EBF2: variants seen among roughly 807,000 people sequenced by gnomAD.
EBF2 encodes transcription factor COE2.
EBF2 carries 21 observed loss-of-function variants against 72.8 expected under a neutral mutation model. That is an observed-to-expected ratio of 0.29 (90% CI 0.20 to 0.42). The LOEUF (loss-of-function observed/expected upper bound fraction) is 0.42. Ranked by LOEUF, EBF2 falls within the 10% of genes least tolerant of loss-of-function variation. The pLI is 1.00. For missense variants in EBF2, 637 were observed against 731.2 expected (o/e 0.87, Z 1.49); for synonymous variants, 299 against 274.2 (o/e 1.09, Z -0.89).
At chr8:25,964,141 G>A (rs1295944235) in intron 6 of EBF2, among the ~76,000 whole-genome samples, 20 of 151,902 alleles carry the variant, frequency 1.3e-4, no homozygotes, top group Admixed American at 1.3e-3. Flanking sequence ...CCAGTACAAG[G>A]GGAGGGAGAA....
rs902106242 is a variant in EBF2 at position 25,858,367 on chromosome 8, C to A, written c.1480G>T (p.Gly494Cys). Residue 494 changes from glycine to cysteine, a missense_variant, in exon 14 of 16, where the codon GGT becomes TGT. Coordinates refer to ENST00000520164, the MANE Select transcript of EBF2 (RefSeq NM_022659.4). ...NVPMANLGVP[G>C]SPGFLNGSPT... ...GAGCCATTTAGAAATCCTGGTGAAC[C>A]TGGAACACCCAAGTTGGCCATGGGG... 1.2e-6 allele frequency: 2 copies of A among 1,614,064 alleles called. No individual in the cohort carries two copies. The highest frequency in any genetic ancestry group is 1.3e-5 in the African/African-American group (1 of 74,928).
At chr8:25,901,421 C>CAAA (rs10712723) in intron 7 of EBF2, among the ~76,000 whole-genome samples, 2 of 111,120 alleles carry the variant, frequency 1.8e-5, no homozygotes, top group Non-Finnish European at 1.9e-5. Flanking sequence ...CATCTTGTCT[C>CAAA]AAAAAAAAAA....
chr8:25,958,312 C>A (rs938199824), intron 6 of EBF2, among the ~76,000 whole-genome samples: 4 of 152,220 alleles, frequency 2.6e-5, no homozygotes, highest in East Asian at 1.9e-4. Context: ...TCTGAACCAA[C>A]CTGTAATTTC....
intron 6 of EBF2, among the ~76,000 whole-genome samples, chr8:26,018,194 C>G (rs1030996617): frequency 1.3e-5 from 2 of 150,658 alleles, no homozygotes; most frequent in Non-Finnish European, 2.9e-5. Context: ...AAGTTACTGA[C>G]AAGCACGCTG....
chr8:26,037,322 C>T (rs1805520415), intron 5 of EBF2, among the ~76,000 whole-genome samples: 1 of 152,184 alleles, frequency 6.6e-6, no homozygotes, highest in Non-Finnish European at 1.5e-5. Flanking sequence ...GTCAGCCAAA[C>T]TCCAGCTCAC....
chr8:26,002,004 A>G (rs1804735314), intron 6 of EBF2, among the ~76,000 whole-genome samples: 1 of 152,244 alleles, frequency 6.6e-6, no homozygotes, highest in Non-Finnish European at 1.5e-5. Context: ...TAGGATTGTG[A>G]TGAAAACTAA....
intron 6 of EBF2, among the ~76,000 whole-genome samples, chr8:26,015,542 T>C (rs573088117): frequency 1.3e-5 from 2 of 152,324 alleles, no homozygotes; most frequent in East Asian, 3.9e-4. Flanking sequence ...TGGGATGGTA[T>C]GAGAGTAAGA....
intron 6 of EBF2, among the ~76,000 whole-genome samples, chr8:25,965,574 A>G (rs1357638910): frequency 6.6e-6 from 1 of 152,194 alleles, no homozygotes; most frequent in Non-Finnish European, 1.5e-5. Context: ...CTATCTGTCA[A>G]CTTTCAGCAG....
chr8:25,896,033 C>A (rs1469277115), intron 7 of EBF2, among the ~76,000 whole-genome samples: 2 of 152,054 alleles, frequency 1.3e-5, no homozygotes, highest in South Asian at 2.1e-4. Flanking sequence ...GCCAGTTGGG[C>A]CCTACTCCCA....
intron 7 of EBF2, among the ~76,000 whole-genome samples, chr8:25,901,460 G>A (rs1426329697): frequency 6.6e-6 from 1 of 151,066 alleles, no homozygotes; most frequent in Non-Finnish European, 1.5e-5. Flanking sequence ...TTTTGAGGTT[G>A]GACTGTGTCA....
chr8:25,881,615 G>T (rs13275227), intron 10 of EBF2, among the ~76,000 whole-genome samples: 1 of 152,042 alleles, frequency 6.6e-6, no homozygotes, highest in East Asian at 1.9e-4. Flanking sequence ...GGTAGAGGAA[G>T]GCCTGGTCCC....
In EBF2 at chr8:25,887,792, AC is replaced by A. The variant is rs761504190; in HGVS notation, c.882+49del. 5 of 1,485,198 alleles carry A rather than the reference AC, an allele frequency of 3.4e-6. No individual in the cohort carries two copies. The Middle Eastern group carries it at 7.3e-4, about 216-fold the overall frequency. The allele number at this position is 1,485,198 out of a possible 1,614,324, so 92.0% of individuals were successfully genotyped here. On this transcript the variant is annotated intron_variant, in intron 9 of 15. Transcript: ENST00000520164. ...GTTTGTGCTAGTTTCCCAGATCAAA[AC>A]AATCTTTGGGCAAAAGGAAATCAGA... is the stretch of plus-strand genomic sequence containing the variant.
chr8:25,999,535 C>T (rs563621601), intron 6 of EBF2, among the ~76,000 whole-genome samples: 3 of 152,106 alleles, frequency 2.0e-5, no homozygotes, highest in South Asian at 2.1e-4. Flanking sequence ...TTCTTCCCTC[C>T]GCAATCTTGG....
At chr8:25,973,757 C>G (rs1804226032) in intron 6 of EBF2, among the ~76,000 whole-genome samples, 1 of 152,128 alleles carries the variant, frequency 6.6e-6, no homozygotes, top group Admixed American at 6.5e-5. Flanking sequence ...CCCACTGCAG[C>G]CTCCACCTCC....
intron 6 of EBF2, among the ~76,000 whole-genome samples, chr8:25,970,459 C>T (rs74418757): frequency 0.015 from 2,248 of 152,076 alleles, 61 homozygotes; most frequent in African/African-American, 0.052. Context: ...ATTTTTTTTC[C>T]TCTTCTAATA....
At chr8:26,026,029 G>C (rs1194420363) in intron 6 of EBF2, among the ~76,000 whole-genome samples, 1 of 152,038 alleles carries the variant, frequency 6.6e-6, no homozygotes, top group Non-Finnish European at 1.5e-5. Flanking sequence ...AAATTTAAAA[G>C]ATAGCCCGGC....
chr8:25,880,951 G>A (rs932788258), intron 10 of EBF2, among the ~76,000 whole-genome samples: 6 of 151,706 alleles, frequency 4.0e-5, no homozygotes, highest in East Asian at 3.9e-4. Flanking sequence ...CATGAGTGTC[G>A]TCCCCTCCTT....
chr8:25,851,714 G>A (rs1801980887), intron 14 of EBF2, among the ~76,000 whole-genome samples: 1 of 152,192 alleles, frequency 6.6e-6, no homozygotes, highest in South Asian at 2.1e-4. Context: ...TGACAAAAGT[G>A]TTGTTGGAGC....
intron 6 of EBF2, among the ~76,000 whole-genome samples, chr8:25,929,848 A>G (rs532973504): frequency 2.6e-5 from 4 of 152,246 alleles, no homozygotes; most frequent in African/African-American, 9.6e-5. Context: ...ATGGGGTAGA[A>G]AGGGCTAAGG....
Sources: allele counts gnomAD v4.1 joint callset (sites outside exome capture counted in the v4.1 genomes callset), GRCh38; gene constraint gnomAD v4.1.1; transcripts MANE v1.5; gene names NCBI Gene and HGNC (gene_info 2026-07-23, HGNC 2026-07-21).